Variants in STX1B observed in about 807,000 individuals in gnomAD.
STX1B encodes syntaxin-1B.
Under a neutral mutation model 39.4 loss-of-function variants are expected in STX1B, and 7 were observed. That is an observed-to-expected ratio of 0.18 (90% CI 0.10 to 0.33). The LOEUF (loss-of-function observed/expected upper bound fraction) is 0.33, where lower values mean the gene tolerates loss of function less well. Ranked by LOEUF, STX1B falls within the 10% of genes least tolerant of loss-of-function variation. STX1B has a pLI of 1.00. For missense variants in STX1B, 198 were observed against 383.2 expected, an observed-to-expected ratio of 0.52 and a Z score of 4.04; for synonymous variants, 136 against 144.1, an observed-to-expected ratio of 0.94 and a Z score of 0.40.
At position 30,992,692 on chromosome 16, in the gene STX1B, T is replaced by TGGAGG. The variant is rs2056567822; in HGVS notation, c.*128_*129insCCTCC. 4 of 434,422 alleles carry TGGAGG rather than the reference T, an allele frequency of 9.2e-6. No individual in the cohort carries two copies. The highest frequency in any genetic ancestry group is 7.3e-5 in the African/African-American group (1 of 13,722). 26.9% of individuals were successfully genotyped at this position (434,422 alleles called of 1,614,324 possible). A position where few individuals can be genotyped will look rare whatever the true frequency, so the allele number is the denominator to read the frequency against. The stretch of plus-strand genomic sequence containing the variant: ...GGTCCAGGGACACCAGGGTCTGCCG[T>TGGAGG]GGGGGTGGGGCTGCCTGGGTCTGTT... On this transcript the variant is annotated 3_prime_UTR_variant, in exon 10 of 10. Transcript: ENST00000215095.
chr16:30,997,707 C>A (rs2056603377), intron 4 of STX1B, 132 bp from the exon 5 acceptor site: 8 of 823,130 alleles, frequency 9.7e-6, no homozygotes, highest in African/African-American at 5.3e-5. Flanking sequence ...GGGCGAGTTG[C>A]GGGCAGCGGT....
chr16:30,997,417 G>T, intron 5 of STX1B, 85 bp downstream of exon 5: 2 of 1,212,486 alleles, frequency 1.6e-6, no homozygotes, highest in Non-Finnish European at 2.4e-6. Flanking sequence ...CCCCGCCGGT[G>T]CTTGGCCCTG....
At chr16:30,993,081 C>T in intron 9 of STX1B, 49 bp downstream of exon 9, 1 of 1,574,834 alleles carries the variant, frequency 6.3e-7, no homozygotes, top group South Asian at 1.1e-5. Context: ...TCAGCCCGGG[C>T]TCAGCCTTGG....
chr16:30,996,663 C>T lies in STX1B; in HGVS notation c.537+20G>A, dbSNP rs760374028. 3 of 1,611,430 alleles carry T rather than the reference C, an allele frequency of 1.9e-6. No homozygotes were observed. The highest frequency in any genetic ancestry group is 2.5e-6 in the Non-Finnish European group (3 of 1,178,258). On this transcript the variant is annotated intron_variant, in intron 7 of 9. Transcript: ENST00000215095. ...GGCAAAAATTTTCCAAAAGCAGAGC[C>T]CGCCCCACCCGCGGCTCACGTCATC...
Position 31,001,022 on chromosome 16 carries a change from A to G in STX1B, c.206-20T>C. On this transcript the variant is annotated intron_variant, in intron 3 of 9. Transcript: ENST00000215095. This position sits in a 1 kb window ranked among gnomAD's most constrained non-coding sequence, Gnocchi z 5.5. The stretch of plus-strand genomic sequence containing the variant: ...TGGTCTCTGAGGGGAGGGCGAGGGC[A>G]AGTGAGATGTCTGGGTGGGAACCCC... 3 of 1,614,142 alleles carry G rather than the reference A, an allele frequency of 1.9e-6. No individual in the cohort carries two copies. The highest frequency in any genetic ancestry group is 1.7e-6 in the Non-Finnish European group (2 of 1,179,986).
At chr16:31,000,000 C>CA (rs1555494518) in intron 4 of STX1B, among the ~76,000 whole-genome samples, 8 of 140,744 alleles carry the variant, frequency 5.7e-5, no homozygotes, top group African/African-American at 2.1e-4. Context: ...TGGCAAAGTT[C>CA]TTTTTTTTTT....
intron 7 of STX1B, among the ~76,000 whole-genome samples, chr16:30,995,228 T>C (rs2056586027): frequency 6.6e-6 from 1 of 152,196 alleles, no homozygotes; most frequent in Non-Finnish European, 1.5e-5. Flanking sequence ...TCCATCCTCC[T>C]TGGCCTCCCA....
chr16:31,000,332 G>GTTTTTT (rs55729102), intron 4 of STX1B, among the ~76,000 whole-genome samples: 8 of 123,376 alleles, frequency 6.5e-5, no homozygotes, highest in Admixed American at 8.2e-5. Flanking sequence ...TTTGTTTTTT[G>GTTTTTT]TTTTTTTTTT....
intron 7 of STX1B, among the ~76,000 whole-genome samples, chr16:30,995,637 C>T (rs762887041): frequency 6.6e-6 from 1 of 151,894 alleles, no homozygotes; most frequent in East Asian, 1.9e-4. Context: ...ATTACAGGCA[C>T]GTGCCACCAT....
rs1468006899 is a variant in STX1B, at chr16:31,010,348, T to C, written c.30+19A>G. 5 of 584,698 alleles carry C rather than the reference T, an allele frequency of 8.6e-6. No individual in the cohort carries two copies. The highest frequency in any genetic ancestry group is 7.2e-5 in the South Asian group (3 of 41,440). The allele number at this position is 584,698 out of a possible 1,614,324, so 36.2% of individuals were successfully genotyped here. A position where few individuals can be genotyped will look rare whatever the true frequency, so the allele number is the denominator to read the frequency against. On this transcript the variant is annotated intron_variant, in intron 1 of 9. Transcript: ENST00000215095. ...ATATTGGGGTCCCGCCCCCCCATTC[T>C]CCCCACCCCCAAGCTCACACTCCGC...
rs775771121 is a variant in STX1B at position 30,993,220 on chromosome 16, G to T, written c.696C>A (p.Ile232=). The T allele has an allele frequency of 6.2e-7, 1 of 1,614,060 alleles. No individual in the cohort carries two copies. The highest frequency in any genetic ancestry group is 1.3e-5 in the African/African-American group (1 of 74,914). ...CCACAGAATGTTCCACGTTGTACTC[G>T]ATGCGGTCAATCATCTCTCCCTGCA... ...VESQGEMIDR[I]EYNVEHSVDY... The change falls in exon 9 of 10, where the codon ATC becomes ATA. Residue 232 remains isoleucine (I), a synonymous_variant. Coordinates refer to ENST00000215095, the MANE Select transcript of STX1B (RefSeq NM_052874.5).
intron 1 of STX1B, among the ~76,000 whole-genome samples, chr16:31,010,001 C>G (rs1427720403): frequency 6.6e-6 from 1 of 152,106 alleles, no homozygotes; most frequent in East Asian, 1.9e-4. Flanking sequence ...CCAGTCACCG[C>G]CCCCATGCTT....
At chr16:30,994,459 T>A (rs28533165) in intron 7 of STX1B, among the ~76,000 whole-genome samples, 1 of 145,800 alleles carries the variant, frequency 6.9e-6, no homozygotes, top group African/African-American at 2.6e-5. Flanking sequence ...CTGGGCATGG[T>A]GGCGCCTGTG....
Position 30,990,951 on chromosome 16 carries a change from T to G in STX1B, c.*1870A>C, listed in dbSNP as rs1596712606. ...GAGTGGCCACTGCCACACTGGCCAC[T>G]CCAGTACTTCTGAAATAGACATTTC... On this transcript the variant is annotated 3_prime_UTR_variant, in exon 10 of 10. Transcript: ENST00000215095. 1 of 152,162 alleles carries G rather than the reference T, an allele frequency of 6.6e-6. No individual in the cohort carries two copies. The highest frequency in any genetic ancestry group is 1.5e-5 in the Non-Finnish European group (1 of 68,028). 9.4% of individuals were successfully genotyped at this position (152,162 alleles called of 1,614,324 possible).
rs941640449 is a variant in STX1B at position 31,004,093 on chromosome 16, A to G, written c.31-2490T>C. On this transcript the variant is annotated intron_variant, in intron 1 of 9. Coordinates refer to ENST00000215095, the MANE Select transcript of STX1B (RefSeq NM_052874.5). ...CTCAGTGAGCGCCTGCTAAGTCCCA[A>G]TCTGGGGAAGGCTCTGTGTCCGGAC... 3.0e-4 allele frequency among the ~76,000 whole-genome samples: 46 copies of G among 152,166 alleles called. 2 individuals carry two copies.
chr16:31,006,498 A>C (rs1053975488), intron 1 of STX1B, among the ~76,000 whole-genome samples: 2 of 152,168 alleles, frequency 1.3e-5, no homozygotes, highest in Non-Finnish European at 2.9e-5. Context: ...GCCTCCAGGG[A>C]GCTGGCATTC....
intron 4 of STX1B, among the ~76,000 whole-genome samples, chr16:30,999,964 G>C (rs1369217607): frequency 6.6e-6 from 1 of 151,954 alleles, no homozygotes; most frequent in Non-Finnish European, 1.5e-5. Context: ...AAATTCCTTA[G>C]AGAAAGGCCT....
chr16:31,003,741 G>A (rs1303626038), intron 1 of STX1B, among the ~76,000 whole-genome samples: 1 of 152,184 alleles, frequency 6.6e-6, no homozygotes, highest in African/African-American at 2.4e-5. Context: ...ATGATAGAAG[G>A]CCCAAGTGTG....
intron 1 of STX1B, among the ~76,000 whole-genome samples, chr16:31,006,573 G>C (rs988863788): frequency 2.0e-5 from 3 of 152,198 alleles, no homozygotes; most frequent in African/African-American, 7.2e-5. Flanking sequence ...ATAGCAGGAG[G>C]GAGATAAGCA....
Sources: gnomAD v4.1 joint callset for allele counts (sites outside exome capture counted in the v4.1 genomes callset) on GRCh38, gnomAD v4.1.1 for gene constraint, Gnocchi (gnomAD v3.1) non-coding constraint, MANE v1.5 for transcripts, NCBI Gene and HGNC (gene_info 2026-07-23, HGNC 2026-07-21) for gene names.